AKAP12: variants seen among roughly 807,000 people sequenced by gnomAD.
AKAP12 encodes A-kinase anchoring protein 12.
AKAP12 carries 32 observed loss-of-function variants against 79.9 expected under a neutral mutation model. That is an observed-to-expected ratio of 0.40 (90% CI 0.30 to 0.54). AKAP12 has a LOEUF of 0.54. AKAP12 is among the 20% of genes least tolerant of loss of function. The pLI, the probability that AKAP12 is intolerant of heterozygous loss-of-function variation, is 0.48. For synonymous variants in AKAP12, 808 were observed against 857.0 expected (o/e 0.94, Z 1.00); for missense variants, 2,074 against 2,177.0 (o/e 0.95, Z 0.94).
intron 3 of AKAP12, chr6:151,343,925 A>C: frequency 2.2e-6 from 1 of 445,356 alleles, no homozygotes; most frequent in South Asian, 1.7e-5. Flanking sequence ...ATTTCAGAAT[A>C]CTATACATGC....
chr6:151,246,887 G>A (rs930261876), intron 2 of AKAP12, among the ~76,000 whole-genome samples: 1 of 152,050 alleles, frequency 6.6e-6, no homozygotes, highest in Admixed American at 6.6e-5. Context: ...TCAGCCTCCT[G>A]AGTAGCTGGG....
chr6:151,258,764 G>C (rs1797350101), intron 2 of AKAP12, among the ~76,000 whole-genome samples: 1 of 151,556 alleles, frequency 6.6e-6, no homozygotes, highest in South Asian at 2.1e-4. Context: ...GAGTAGCTGG[G>C]CTTACAGGTG....
At chr6:151,241,173 G>C (rs549609296) in intron 2 of AKAP12, among the ~76,000 whole-genome samples, 158 of 152,300 alleles carry the variant, frequency 1.0e-3, no homozygotes, top group Admixed American at 2.5e-3. Context: ...GAGCCCGCCG[G>C]GGAGCCCAGC....
chr6:151,346,670 C>T (rs141347292), intron 3 of AKAP12, among the ~76,000 whole-genome samples: 2 of 152,306 alleles, frequency 1.3e-5, no homozygotes, highest in East Asian at 3.9e-4. Flanking sequence ...TGTCAGATTT[C>T]TCCATTGCCA....
chr6:151,241,918 TTAA>T (rs1446887602), intron 2 of AKAP12, among the ~76,000 whole-genome samples: 3 of 151,968 alleles, frequency 2.0e-5, no homozygotes, highest in Non-Finnish European at 4.4e-5. Flanking sequence ...GAGACTGCTG[TTAA>T]TAATATAGTT....
intron 3 of AKAP12, among the ~76,000 whole-genome samples, chr6:151,335,419 T>C (rs957985992): frequency 1.3e-5 from 2 of 152,196 alleles, no homozygotes; most frequent in African/African-American, 4.8e-5. Context: ...TGTAAGTGAC[T>C]TATGTTATAG....
chr6:151,253,531 A>G lies in AKAP12; in HGVS notation c.162+12807A>G, dbSNP rs1027232753. Among the ~76,000 whole-genome samples the G allele has an allele frequency of 3.9e-5, 6 of 152,264 alleles. 1 individual carries two copies. ...ATGAGCCACTGCACCCGGCCAAAAC[A>G]GTCTTATTCAACATCAATAATATAT... On this transcript the variant is annotated intron_variant, in intron 2 of 4. Coordinates refer to ENST00000402676, the MANE Select transcript of AKAP12 (RefSeq NM_005100.4).
At chr6:151,279,673 G>A (rs767313009) in intron 2 of AKAP12, among the ~76,000 whole-genome samples, 10 of 151,598 alleles carry the variant, frequency 6.6e-5, no homozygotes, top group South Asian at 2.1e-4. Context: ...TAATAGAAAC[G>A]GGCTGGAGAC....
At chr6:151,309,375 T>C (rs1292820372) in intron 3 of AKAP12, among the ~76,000 whole-genome samples, 1 of 152,196 alleles carries the variant, frequency 6.6e-6, no homozygotes, top group Non-Finnish European at 1.5e-5. Flanking sequence ...CAGTGGAATT[T>C]GGTCCTGCTG....
At chr6:151,329,915 A>G (rs1231909718) in intron 3 of AKAP12, among the ~76,000 whole-genome samples, 1 of 152,234 alleles carries the variant, frequency 6.6e-6, no homozygotes, top group East Asian at 1.9e-4. Context: ...ATAACTGTAG[A>G]GTACCTTGCA....
chr6:151,310,503 G>A (rs1181068928), intron 3 of AKAP12, among the ~76,000 whole-genome samples: 1 of 152,222 alleles, frequency 6.6e-6, no homozygotes, highest in African/African-American at 2.4e-5. Flanking sequence ...CAGCCCTTGG[G>A]GAGGTCGAGG....
rs139534339 is a variant in AKAP12, at chr6:151,351,046, C to T, written c.2655C>T (p.Ser885=). Reference sequence around the variant, plus strand: ...CCACTGAGGTGTCCAAGGAGCTCAGCGAGAGTCAGGTTCATATGATGGCAG... The same window carrying T: ...CCACTGAGGTGTCCAAGGAGCTCAGTGAGAGTCAGGTTCATATGATGGCAG... ...KAATEVSKEL[S]ESQVHMMAAA... Residue 885 remains serine (S), a synonymous_variant, in exon 4 of 5, where the codon AGC becomes AGT. Coordinates refer to ENST00000402676, the MANE Select transcript of AKAP12 (RefSeq NM_005100.4). The surrounding 1 kb of genome is among the most constrained non-coding windows in gnomAD (Gnocchi z 4.4). 9.3e-6 allele frequency: 15 copies of T among 1,614,078 alleles called. No individual in the cohort carries two copies. The highest frequency in any genetic ancestry group is 5.3e-5 in the African/African-American group (4 of 74,990).
At chr6:151,314,591 A>G (rs1224240510) in intron 3 of AKAP12, among the ~76,000 whole-genome samples, 2 of 152,174 alleles carry the variant, frequency 1.3e-5, no homozygotes, top group African/African-American at 2.4e-5. Context: ...GGTAAATGCC[A>G]TAGCTGCTTG....
chr6:151,314,075 T>C (rs1488825527), intron 3 of AKAP12, among the ~76,000 whole-genome samples: 2 of 151,348 alleles, frequency 1.3e-5, no homozygotes, highest in Admixed American at 1.3e-4. Flanking sequence ...TCTCCCAGGC[T>C]GAAGTACAGT....
At chr6:151,266,635 C>T (rs1026335818) in intron 2 of AKAP12, among the ~76,000 whole-genome samples, 2 of 152,122 alleles carry the variant, frequency 1.3e-5, no homozygotes, top group African/African-American at 4.8e-5. Context: ...GGAAATTCAA[C>T]AAATAAATAA....
chr6:151,341,356 G>A (rs1777940565), intron 3 of AKAP12, among the ~76,000 whole-genome samples: 2 of 152,064 alleles, frequency 1.3e-5, no homozygotes, highest in Admixed American at 1.3e-4. Context: ...GCCAGGCCTC[G>A]AGGCCCTTTT....
intron 2 of AKAP12, among the ~76,000 whole-genome samples, chr6:151,287,895 C>T (rs529076234): frequency 1.3e-5 from 2 of 152,196 alleles, no homozygotes; most frequent in Admixed American, 6.5e-5. Flanking sequence ...TAAGAAAGGA[C>T]GAGTTCATGT....
At chr6:151,279,251 CT>C (rs898473889) in intron 2 of AKAP12, among the ~76,000 whole-genome samples, 1 of 151,992 alleles carries the variant, frequency 6.6e-6, no homozygotes, top group Non-Finnish European at 1.5e-5. Flanking sequence ...AAAATGTTAT[CT>C]TTTTTTAAGA....
chr6:151,257,725 T>C (rs1428049855), intron 2 of AKAP12, among the ~76,000 whole-genome samples: 6 of 152,222 alleles, frequency 3.9e-5, no homozygotes, highest in Admixed American at 3.9e-4. Flanking sequence ...TTTTTATGGC[T>C]GCATGTCACA....
Sources: gnomAD v4.1 joint callset for allele counts (sites outside exome capture counted in the v4.1 genomes callset) on GRCh38, gnomAD v4.1.1 for gene constraint, Gnocchi (gnomAD v3.1) non-coding constraint, MANE v1.5 for transcripts, NCBI Gene and HGNC (gene_info 2026-07-23, HGNC 2026-07-21) for gene names.